DIPK2B: variants seen among roughly 807,000 people sequenced by gnomAD.
DIPK2B encodes the protein divergent protein kinase domain 2B, also known as UPF0672 protein CXorf36.
Under a neutral mutation model 22.2 loss-of-function variants are expected in DIPK2B, and 15 were observed. The observed-to-expected ratio is 0.68, with a 90% CI of 0.45 to 1.04. The LOEUF is 1.04. DIPK2B is among the 50% of genes least tolerant of loss of function. The pLI is 0.00. For synonymous variants in DIPK2B, 163 were observed against 153.2 expected, an observed-to-expected ratio of 1.06 and a Z score of -0.47; for missense variants, 345 against 348.3, an observed-to-expected ratio of 0.99 and a Z score of 0.08.
intron 2 of DIPK2B, among the ~76,000 whole-genome samples, chrX:45,173,410 A>G (rs1427299314): frequency 9.0e-6 from 1 of 110,680 alleles, no homozygotes; most frequent in East Asian, 2.9e-4. Context: ...CATAGTGCAG[A>G]CAGAGTTCAT....
intron 2 of DIPK2B, among the ~76,000 whole-genome samples, chrX:45,185,639 C>CTTTCT (rs1403932989): frequency 1.2e-4 from 12 of 99,156 alleles, no homozygotes; most frequent in African/African-American, 2.7e-4. Flanking sequence ...GTCTCATTTT[C>CTTTCT]TTTCTTTTCT....
chrX:45,179,984 G>A (rs1166725591), intron 2 of DIPK2B, among the ~76,000 whole-genome samples: 1 of 111,630 alleles, frequency 9.0e-6, no homozygotes, highest in East Asian at 2.8e-4. Flanking sequence ...TGTGATACCT[G>A]TGAATTTAAT....
At chrX:45,166,663 G>A (rs762435731) in intron 2 of DIPK2B, among the ~76,000 whole-genome samples, 2 of 111,924 alleles carry the variant, frequency 1.8e-5, no homozygotes, top group Non-Finnish European at 3.8e-5. Context: ...AAAAGCAAAT[G>A]TTTCTCAAAA....
At chrX:45,183,441 C>T (rs1057333094) in intron 2 of DIPK2B, 1 of 111,991 alleles carries the variant, frequency 8.9e-6, no homozygotes, top group Non-Finnish European at 1.9e-5. Flanking sequence ...CATGAAAATC[C>T]ATTTCTGATA....
At chrX:45,156,428 C>A (rs2046996309) in intron 3 of DIPK2B, among the ~76,000 whole-genome samples, 1 of 112,306 alleles carries the variant, frequency 8.9e-6, no homozygotes, top group East Asian at 2.8e-4. Flanking sequence ...TCATCCCACG[C>A]CTCTCAAGAG....
chrX:45,181,440 TA>T (rs1359285394), intron 2 of DIPK2B, among the ~76,000 whole-genome samples: 1 of 112,109 alleles, frequency 8.9e-6, no homozygotes, highest in African/African-American at 3.2e-5. Context: ...AGGCGTACAC[TA>T]CAGGACATCA....
intron 3 of DIPK2B, among the ~76,000 whole-genome samples, chrX:45,154,880 G>T: frequency 9.0e-6 from 1 of 110,846 alleles, no homozygotes; most frequent in Non-Finnish European, 1.9e-5. Context: ...CATGATCAGA[G>T]TTCACTGCAG....
intron 1 of DIPK2B, among the ~76,000 whole-genome samples, chrX:45,195,459 C>T (rs1237437002): frequency 8.9e-6 from 1 of 111,858 alleles, no homozygotes; most frequent in Non-Finnish European, 1.9e-5. Context: ...GCCCTCTTCT[C>T]GTGCATTCTT....
intron 1 of DIPK2B, among the ~76,000 whole-genome samples, chrX:45,194,451 T>C (rs1017361695): frequency 3.6e-5 from 4 of 110,780 alleles, no homozygotes; most frequent in East Asian, 2.9e-4. Flanking sequence ...GGTTTCACCA[T>C]GTTGGCCAGG....
chrX:45,180,694 C>T (rs1221288874), intron 2 of DIPK2B, among the ~76,000 whole-genome samples: 4 of 111,331 alleles, frequency 3.6e-5, no homozygotes, highest in Non-Finnish European at 5.7e-5. Context: ...ACAGTAGTTC[C>T]CTCTTATCCA....
At position 45,191,919 on chromosome X, in the gene DIPK2B, A is replaced by G. The variant is rs1319126012; in HGVS notation, c.330T>C (p.Pro110=). 4 of 1,212,017 alleles carry G rather than the reference A, an allele frequency of 3.3e-6. No homozygotes were observed. The highest frequency in any genetic ancestry group is 4.5e-6 in the Non-Finnish European group (4 of 895,561). ...NYSDDSKIWR[P]VEIFRLVSKY... is the part of the protein sequence containing the mutation. Reference sequence around the variant, plus strand: ...TGCTGACCAGTCTAAAGATCTCCACAGGGCGCCAGATTTTGGAATCATCTG... The same window carrying G: ...TGCTGACCAGTCTAAAGATCTCCACGGGGCGCCAGATTTTGGAATCATCTG... The change falls in exon 2 of 5, where the codon CCT becomes CCC. Residue 110 remains proline, a synonymous_variant. Transcript: ENST00000398000.
At chrX:45,192,448 G>A (rs927859425) in intron 1 of DIPK2B, among the ~76,000 whole-genome samples, 2 of 110,157 alleles carry the variant, frequency 1.8e-5, no homozygotes, top group Admixed American at 1.9e-4. Context: ...TGCGGACCCC[G>A]GGCTGTCAGT....
chrX:45,157,839 C>A lies in DIPK2B; in HGVS notation c.548G>T (p.Arg183Leu). Reference protein sequence around the residue: ...LRCPSQRLLDRVVRRYAEVAD... With the variant: ...LRCPSQRLLDLVVRRYAEVAD... ...CACCTCTGCATAGCGCCTGACCACG[C>A]GATCCAGGAGTCGCTGCGAAGGGCA... Residue 183 changes from arginine (R) to leucine (L), a missense_variant, in exon 3 of 5, where the codon CGC (arginine) becomes CTC (leucine). Physicochemically the swap from Arg to Leu is moderately radical, Grantham distance 102. Transcript: ENST00000398000. 8.5e-7 allele frequency: 1 copy of A among 1,169,734 alleles called. No homozygotes were observed. Among genetic ancestry groups the A allele is most frequent in the Non-Finnish European group, 1.1e-6 (1 of 875,440 alleles).
At chrX:45,173,188 C>G (rs1474220503) in intron 2 of DIPK2B, among the ~76,000 whole-genome samples, 2 of 112,191 alleles carry the variant, frequency 1.8e-5, no homozygotes, top group Non-Finnish European at 3.8e-5. Flanking sequence ...TGACACATTA[C>G]AAAGCTGTCA....
chrX:45,185,378 T>G (rs1392619098), intron 2 of DIPK2B, among the ~76,000 whole-genome samples: 1 of 111,436 alleles, frequency 9.0e-6, no homozygotes, highest in African/African-American at 3.3e-5. Flanking sequence ...AAAAAGGGGC[T>G]TGATTGGTAA....
At chrX:45,191,444 G>A in intron 2 of DIPK2B, 1 of 286,803 alleles carries the variant, frequency 3.5e-6, no homozygotes, top group Non-Finnish European at 6.1e-6. Flanking sequence ...CCTGGCAGAG[G>A]GGTGGACTGG....
chrX:45,198,495 T>G (rs774099261), intron 1 of DIPK2B, among the ~76,000 whole-genome samples: 5 of 110,911 alleles, frequency 4.5e-5, no homozygotes, highest in Non-Finnish European at 9.4e-5. Context: ...CACACTTCCC[T>G]TTCACGGGCA....
At chrX:45,182,041 G>A (rs1158132767) in intron 2 of DIPK2B, among the ~76,000 whole-genome samples, 5 of 101,974 alleles carry the variant, frequency 4.9e-5, no homozygotes, top group African/African-American at 1.8e-4. Flanking sequence ...TCATGCCACT[G>A]CACTCCAGCT....
At chrX:45,180,435 A>G (rs1349722998) in intron 2 of DIPK2B, among the ~76,000 whole-genome samples, 1 of 111,798 alleles carries the variant, frequency 8.9e-6, no homozygotes, top group Non-Finnish European at 1.9e-5. Context: ...TAAAGTTTGG[A>G]ACAAAATGAT....
Sources: gnomAD v4.1 joint callset for allele counts (sites outside exome capture counted in the v4.1 genomes callset) on GRCh38, gnomAD v4.1.1 for gene constraint, MANE v1.5 for transcripts, NCBI Gene and HGNC (gene_info 2026-07-23, HGNC 2026-07-21) for gene names.